Variants in CHEK2 observed in about 807,000 individuals in gnomAD.
The protein encoded by CHEK2 is checkpoint kinase 2.
CHEK2 carries 71 observed loss-of-function variants against 69.1 expected under a neutral mutation model. That is an observed-to-expected ratio of 1.03 (90% CI 0.85 to 1.25). The LOEUF (loss-of-function observed/expected upper bound fraction) is 1.25. Among genes scored for constraint, CHEK2 ranks in the 50% most tolerant of loss-of-function variants. CHEK2 has a pLI of 0.00. For missense variants in CHEK2, 664 were observed against 649.6 expected, an observed-to-expected ratio of 1.02 and a Z score of -0.24; for synonymous variants, 189 against 226.9, an observed-to-expected ratio of 0.83 and a Z score of 1.50.
chr22:28,690,551 T>C (rs1483255445), intron 13 of CHEK2, among the ~76,000 whole-genome samples: 3 of 147,190 alleles, frequency 2.0e-5, no homozygotes, highest in Non-Finnish European at 3.0e-5. Flanking sequence ...TCGCTTGAAC[T>C]CAAGAGGCGG....
At chr22:28,716,832 C>T (rs1187671407) in intron 5 of CHEK2, among the ~76,000 whole-genome samples, 1 of 152,194 alleles carries the variant, frequency 6.6e-6, no homozygotes, top group East Asian at 1.9e-4. Context: ...CAAGACCTTG[C>T]AGGGCATCCA....
At position 28,694,014 on chromosome 22, in the gene CHEK2, G is replaced by A. The variant is rs1260246390; in HGVS notation, c.1461+18C>T. The A allele has an allele frequency of 6.5e-7, 1 of 1,536,892 alleles. No individual in the cohort carries two copies. The highest frequency in any genetic ancestry group is 2.2e-5 in the East Asian group (1 of 44,582). On this transcript the variant is annotated intron_variant, in intron 13 of 14. Transcript: ENST00000404276. ...CTTCCCATGTATTTTATGCTAGCAG[G>A]CACTGTCCCACACCCACCTGAAGCC...
chr22:28,718,111 C>G (rs900303212), intron 5 of CHEK2, among the ~76,000 whole-genome samples: 1 of 152,026 alleles, frequency 6.6e-6, no homozygotes, highest in East Asian at 1.9e-4. Context: ...CAATAAAATT[C>G]GTGAGGCGAA....
intron 2 of CHEK2, among the ~76,000 whole-genome samples, chr22:28,729,630 CAATAGAATATAGGAA>C (rs2054132935): frequency 1.4e-5 from 2 of 147,358 alleles, no homozygotes; most frequent in Admixed American, 1.4e-4. Context: ...TACACGATAA[CAATAGAATATAGGAA>C]AATAGACACA....
chr22:28,696,779 T>C (rs961530583), intron 10 of CHEK2, 122 bp downstream of exon 10: 3 of 706,748 alleles, frequency 4.2e-6, no homozygotes, highest in Admixed American at 2.0e-5. Flanking sequence ...TCTAAAATAA[T>C]TGGTAACAGT....
At chr22:28,690,536 G>C (rs2052320522) in intron 13 of CHEK2, among the ~76,000 whole-genome samples, 1 of 151,274 alleles carries the variant, frequency 6.6e-6, no homozygotes, top group South Asian at 2.1e-4. Context: ...GCTGAGGCAG[G>C]AGAATCGCTT....
At chr22:28,705,910 T>C (rs1487046048) in intron 7 of CHEK2, among the ~76,000 whole-genome samples, 1 of 151,746 alleles carries the variant, frequency 6.6e-6, no homozygotes, top group Non-Finnish European at 1.5e-5. Context: ...GCCATGGCAC[T>C]CTAGCCTGGG....
At chr22:28,702,537 C>CTT (rs35377840) in intron 8 of CHEK2, among the ~76,000 whole-genome samples, 1 of 121,036 alleles carries the variant, frequency 8.3e-6, no homozygotes. Context: ...TGCGCCCGGC[C>CTT]TTTTTTTTTT....
rs72552323 is a variant in CHEK2, at chr22:28,725,090, A to C, written c.479T>G (p.Ile160Arg). 4.3e-6 allele frequency: 7 copies of C among 1,613,994 alleles called. No individual in the cohort carries two copies. In the Admixed American group the frequency reaches 1.2e-4, roughly 27 times the overall value. ...VGPKNSYIAY[I>R]EDHSGNGTFV... is the part of the protein sequence containing the mutation. ...GGTTCCATTGCCACTGTGATCTTCT[A>C]TGTATGCAATGTAAGAGTTTTTAGG... Residue 160 changes from isoleucine to arginine, a missense_variant, in exon 4 of 15, where the codon ATA (isoleucine) becomes AGA (arginine). Coordinates refer to ENST00000404276, the MANE Select transcript of CHEK2 (RefSeq NM_007194.4).
chr22:28,718,012 C>T (rs778489926), intron 5 of CHEK2, among the ~76,000 whole-genome samples: 9 of 152,140 alleles, frequency 5.9e-5, no homozygotes, highest in African/African-American at 9.7e-5. Context: ...ACCCGGGAGG[C>T]GGAGGTTGCA....
chr22:28,711,211 A>T (rs994743987), intron 6 of CHEK2, among the ~76,000 whole-genome samples: 7 of 152,250 alleles, frequency 4.6e-5, no homozygotes, highest in African/African-American at 1.7e-4. Context: ...ACAAAAGAGT[A>T]GTAAAATAAA....
At chr22:28,704,320 T>C (rs2053024229) in intron 7 of CHEK2, among the ~76,000 whole-genome samples, 1 of 152,024 alleles carries the variant, frequency 6.6e-6, no homozygotes. Flanking sequence ...TCTTTTTTTT[T>C]TATTTTGAGA....
In CHEK2 at chr22:28,725,352, T is replaced by C. The variant is rs876660788; in HGVS notation, c.335A>G (p.Asn112Ser). 8.1e-6 allele frequency: 13 copies of C among 1,614,004 alleles called. No homozygotes were observed. Among genetic ancestry groups the C allele is most frequent in the Non-Finnish European group, 1.0e-5 (12 of 1,180,020 alleles). The change falls in exon 3 of 15, where the codon AAC becomes AGC. Residue 112 changes from asparagine (N) to serine (S), a missense_variant. Coordinates refer to ENST00000404276, the MANE Select transcript of CHEK2 (RefSeq NM_007194.4). ...GCTTTTGTCCCTCCCAAACCAGTAG[T>C]TGTCATTCACACATTCTGTAATATA... is the stretch of plus-strand genomic sequence containing the variant. ...GFANLECVND[N>S]YWFGRDKSCE...
chr22:28,725,213 C>T (rs1389333699), intron 3 of CHEK2, 30 bp downstream of exon 3: 1 of 1,614,006 alleles, frequency 6.2e-7, no homozygotes, highest in Admixed American at 1.7e-5. Flanking sequence ...ATTACCAGCT[C>T]TCCTAGATAC....
chr22:28,711,928 A>G lies in CHEK2; in HGVS notation c.773T>C (p.Ile258Thr). The G allele has an allele frequency of 6.2e-7, 1 of 1,613,346 alleles. No homozygotes were observed. Among genetic ancestry groups the G allele is most frequent in the East Asian group, 2.2e-5 (1 of 44,874 alleles). ...IKIISKRKFA[I>T]GSAREADPAL... ...ACTTACTGCCTCTCTTGCTGAACCA[A>G]TAGCAAACTTCCTTTTGCTGATGAT... is the stretch of plus-strand genomic sequence containing the variant. Residue 258 changes from isoleucine to threonine, a missense_variant, in exon 6 of 15, where the codon ATT (isoleucine) becomes ACT (threonine). Transcript: ENST00000404276.
chr22:28,738,760 G>C (rs771254952), intron 1 of CHEK2, among the ~76,000 whole-genome samples: 7 of 152,086 alleles, frequency 4.6e-5, no homozygotes, highest in Non-Finnish European at 1.0e-4. Context: ...TTTTACGTAA[G>C]ACCTCAAAAG....
Position 28,699,874 on chromosome 22 carries a change from G to C in CHEK2, c.972C>G (p.Cys324Trp), listed in dbSNP as rs1060502712. 3 of 1,614,026 alleles carry C rather than the reference G, an allele frequency of 1.9e-6. No homozygotes were observed. The highest frequency in any genetic ancestry group is 2.2e-5 in the East Asian group (1 of 44,880). ...AGAGCATCTGGTAAAAATAGAGCTT[G>C]CAGGTAGCTTCTTTCAGGCGTTTAT... is the stretch of plus-strand genomic sequence containing the variant. ...VGNKRLKEAT[C>W]KLYFYQMLLA... The change falls in exon 9 of 15, where the codon TGC (cysteine) becomes TGG (tryptophan). Residue 324 changes from cysteine (C) to tryptophan (W), a missense_variant. By Grantham distance (215) the Cys-to-Trp change is radical (BLOSUM62 -2). Transcript: ENST00000404276.
intron 4 of CHEK2, among the ~76,000 whole-genome samples, chr22:28,723,684 C>A (rs2053886264): frequency 1.3e-5 from 2 of 151,922 alleles, no homozygotes; most frequent in East Asian, 3.9e-4. Context: ...TGGCTCCCAC[C>A]TGTAATCCCA....
chr22:28,727,175 G>C (rs2054042223), intron 2 of CHEK2, among the ~76,000 whole-genome samples: 1 of 152,106 alleles, frequency 6.6e-6, no homozygotes, highest in East Asian at 1.9e-4. Context: ...CCGAGTGGCT[G>C]GGACTACAGG....
Sources: allele counts gnomAD v4.1 joint callset (sites outside exome capture counted in the v4.1 genomes callset), GRCh38; gene constraint gnomAD v4.1.1; transcripts MANE v1.5; gene names NCBI Gene and HGNC (gene_info 2026-07-23, HGNC 2026-07-21).